Variants in KCNN2 observed in about 807,000 individuals in gnomAD.
The protein encoded by KCNN2 is small conductance calcium-activated potassium channel protein 2.
A neutral mutation model predicts 55.5 loss-of-function variants in KCNN2; 24 were observed. That is an observed-to-expected ratio of 0.43 (90% CI 0.31 to 0.61). KCNN2 has a LOEUF of 0.61. KCNN2 is among the 20% of genes least tolerant of loss of function. KCNN2 has a pLI of 0.08. For synonymous variants in KCNN2, 431 were observed against 336.1 expected (o/e 1.28, Z -3.09); for missense variants, 754 against 853.6 (o/e 0.88, Z 1.45).
At chr5:114,385,519 G>GCACACACACACACA (rs10548694) in intron 2 of KCNN2, among the ~76,000 whole-genome samples, 3 of 143,354 alleles carry the variant, frequency 2.1e-5, no homozygotes, top group Admixed American at 7.0e-5. Flanking sequence ...ACACATGCGC[G>GCACACACACACACA]CACACACACA....
intron 1 of KCNN2, among the ~76,000 whole-genome samples, chr5:114,162,732 C>T (rs180947403): frequency 1.3e-3 from 198 of 152,268 alleles, no homozygotes; most frequent in South Asian, 2.3e-3. Context: ...TCGCTGCCAC[C>T]TTGCAGTTTG....
chr5:114,258,157 A>C (rs990894380), intron 2 of KCNN2, among the ~76,000 whole-genome samples: 2 of 152,086 alleles, frequency 1.3e-5, no homozygotes, highest in African/African-American at 4.8e-5. Flanking sequence ...ACTGATTTGC[A>C]TATGTTGAAC....
At chr5:114,191,981 C>G (rs933065702) in intron 1 of KCNN2, among the ~76,000 whole-genome samples, 5 of 152,114 alleles carry the variant, frequency 3.3e-5, no homozygotes, top group African/African-American at 1.2e-4. Context: ...TTCACAGAGA[C>G]TAATGAGTAC....
intron 1 of KCNN2, among the ~76,000 whole-genome samples, chr5:114,212,152 T>C (rs72797677): frequency 0.21 from 32,058 of 151,952 alleles, 3,560 homozygotes; most frequent in Non-Finnish European, 0.25. Context: ...CTTATTTTCA[T>C]TCAAATATTA....
intron 1 of KCNN2, among the ~76,000 whole-genome samples, chr5:114,133,913 GTTA>G (rs1224628952): frequency 6.6e-6 from 1 of 152,136 alleles, no homozygotes; most frequent in Middle Eastern, 3.2e-3. Context: ...TTTCTAGTTT[GTTA>G]TTATACAGAG....
chr5:114,430,327 G>C (rs1421411688), intron 3 of KCNN2, among the ~76,000 whole-genome samples: 1 of 152,038 alleles, frequency 6.6e-6, no homozygotes, highest in East Asian at 1.9e-4. Flanking sequence ...CATAGAACTT[G>C]TACATACTTT....
Position 114,147,009 on chromosome 5 carries a change from G to A in KCNN2, c.-270-74471G>A, listed in dbSNP as rs558311728. On this transcript the variant is annotated intron_variant, in intron 1 of 10. Coordinates refer to the KCNN2 transcript ENST00000512097. ...TGCCTTAGTGACAAGCACTATATAAGCTGAGTCAGAGACAATATTAAGAGG... is the reference window on the plus strand; with the variant it reads ...TGCCTTAGTGACAAGCACTATATAAACTGAGTCAGAGACAATATTAAGAGG... Among the ~76,000 whole-genome samples, 57 of 152,278 alleles carry A rather than the reference G, an allele frequency of 3.7e-4. 1 individual carries two copies. In the South Asian group the frequency reaches 0.011, roughly 28 times the overall value.
chr5:114,492,531 C>G (rs1166982289), intron 6 of KCNN2, among the ~76,000 whole-genome samples: 1 of 151,994 alleles, frequency 6.6e-6, no homozygotes, highest in Non-Finnish European at 1.5e-5. Context: ...ATAGTAAACA[C>G]TGAATAAATA....
At chr5:114,214,656 T>C (rs1030544882) in intron 1 of KCNN2, among the ~76,000 whole-genome samples, 1 of 152,116 alleles carries the variant, frequency 6.6e-6, no homozygotes, top group African/African-American at 2.4e-5. Flanking sequence ...GCTGTGTTCT[T>C]TTGGGTTCCC....
chr5:114,217,969 A>C (rs968810103), intron 1 of KCNN2, among the ~76,000 whole-genome samples: 2 of 152,242 alleles, frequency 1.3e-5, no homozygotes, highest in Admixed American at 1.3e-4. Context: ...GAAGATACAG[A>C]TGGCAAATTA....
Position 114,087,593 on chromosome 5 carries a change from C to T in KCNN2, c.-271+31093C>T, listed in dbSNP as rs565545492. Among the ~76,000 whole-genome samples the T allele has an allele frequency of 2.8e-3, 423 of 152,078 alleles. 1 individual carries two copies. The highest frequency in any genetic ancestry group is 5.1e-3 in the Non-Finnish European group (344 of 67,920). On this transcript the variant is annotated intron_variant, in intron 1 of 10. Transcript: ENST00000512097. Reference sequence around the variant, plus strand: ...TCAAAGATCAGATGGCTGTAGGTGTCATAGTTCATTCTTATTTATGTAATC... The same window carrying T: ...TCAAAGATCAGATGGCTGTAGGTGTTATAGTTCATTCTTATTTATGTAATC...
chr5:114,356,228 C>T (rs182418488), intron 2 of KCNN2, among the ~76,000 whole-genome samples: 1 of 152,238 alleles, frequency 6.6e-6, no homozygotes, highest in African/African-American at 2.4e-5. Context: ...CAGATATTTT[C>T]GTTACTTGTA....
rs563606863 is a variant in KCNN2 at position 114,440,480 on chromosome 5, G to GA, written c.1638-22567dup. 8.3e-4 allele frequency among the ~76,000 whole-genome samples: 127 copies of GA among 152,290 alleles called. No homozygotes were observed. The South Asian group carries it at 0.011, about 13-fold the overall frequency. Reference sequence around the variant, plus strand: ...AGGATTTTTGACATCTTAAATGTGAGAAGGAATAGGGAGGAAAGAAAAAAT... The same window carrying GA: ...AGGATTTTTGACATCTTAAATGTGAGAAAGGAATAGGGAGGAAAGAAAAAAT... On this transcript the variant is annotated intron_variant, in intron 3 of 7. Coordinates refer to ENST00000673685, the MANE Select transcript of KCNN2 (RefSeq NM_021614.4).
At chr5:114,090,419 AAAT>A (rs1580502536) in intron 1 of KCNN2, among the ~76,000 whole-genome samples, 1 of 152,116 alleles carries the variant, frequency 6.6e-6, no homozygotes, top group Non-Finnish European at 1.5e-5. Flanking sequence ...GAACAGACAT[AAAT>A]AATCATCTTA....
At chr5:114,487,725 G>A (rs1018080615) in intron 6 of KCNN2, among the ~76,000 whole-genome samples, 8 of 151,942 alleles carry the variant, frequency 5.3e-5, no homozygotes, top group Non-Finnish European at 1.0e-4. Context: ...ATTAGCATAC[G>A]CTTTTAAAGT....
chr5:114,280,880 G>C (rs917137442), intron 2 of KCNN2, among the ~76,000 whole-genome samples: 1 of 152,078 alleles, frequency 6.6e-6, no homozygotes, highest in African/African-American at 2.4e-5. Context: ...CTCCAGCCTT[G>C]TTTCCTAAAA....
intron 1 of KCNN2, among the ~76,000 whole-genome samples, chr5:114,155,199 C>T (rs1580565661): frequency 6.6e-6 from 1 of 152,066 alleles, no homozygotes; most frequent in South Asian, 2.1e-4. Context: ...CCATCCATGT[C>T]CCTGCAAAGG....
intron 2 of KCNN2, among the ~76,000 whole-genome samples, chr5:114,249,461 A>G (rs1754815246): frequency 6.6e-6 from 1 of 151,242 alleles, no homozygotes; most frequent in African/African-American, 2.4e-5. Context: ...TAATTTTTGT[A>G]TTTTTACTAG....
intron 1 of KCNN2, among the ~76,000 whole-genome samples, chr5:114,202,914 A>T (rs141507522): frequency 8.8e-4 from 134 of 152,228 alleles, no homozygotes; most frequent in Non-Finnish European, 1.7e-3. Context: ...AAGCACAAAT[A>T]TCAGATGTTG....
Sources: gnomAD v4.1 joint callset for allele counts (sites outside exome capture counted in the v4.1 genomes callset) on GRCh38, gnomAD v4.1.1 for gene constraint, MANE v1.5 for transcripts, NCBI Gene and HGNC (gene_info 2026-07-23, HGNC 2026-07-21) for gene names.